The following ARID2 variants were observed in gnomAD, a reference collection of about 807,000 sequenced individuals.
ARID2 encodes AT-rich interactive domain-containing protein 2.
In ARID2, 32 loss-of-function variants were observed where a neutral mutation model predicts 184.6. The ratio of observed to expected loss-of-function variants is 0.17; its 90% CI spans 0.13 to 0.23. ARID2 has a LOEUF of 0.23. Among genes scored for constraint, ARID2 ranks in the 10% least tolerant of loss-of-function variants. The probability of loss-of-function intolerance (pLI) is 1.00; values close to 1 mark genes in which losing one functional copy is unlikely to be tolerated. For missense variants in ARID2, 1,696 were observed against 2,197.6 expected, an observed-to-expected ratio of 0.77 and a Z score of 4.56; for synonymous variants, 836 against 772.6, an observed-to-expected ratio of 1.08 and a Z score of -1.36.
chr12:45,778,831 T>C (rs973821935), intron 3 of ARID2, among the ~76,000 whole-genome samples: 16 of 151,994 alleles, frequency 1.1e-4, no homozygotes, highest in African/African-American at 3.9e-4. Flanking sequence ...ATAGAAAATC[T>C]GGAAACATCT....
chr12:45,817,975 C>A, intron 5 of ARID2, 87 bp downstream of exon 5: 3 of 941,428 alleles, frequency 3.2e-6, no homozygotes, highest in South Asian at 4.0e-5. Context: ...TTTTGTTTGT[C>A]AACATAATAG....
At chr12:45,743,429 A>T (rs1032946230) in intron 3 of ARID2, among the ~76,000 whole-genome samples, 1 of 152,102 alleles carries the variant, frequency 6.6e-6, no homozygotes, top group Non-Finnish European at 1.5e-5. Context: ...GGCTATTCAC[A>T]GGTGTAGTCA....
chr12:45,812,495 T>C (rs1163445396), intron 4 of ARID2, among the ~76,000 whole-genome samples: 2 of 152,180 alleles, frequency 1.3e-5, no homozygotes, highest in Non-Finnish European at 2.9e-5. Context: ...CGATCTCCAT[T>C]AGAAGAGGCT....
In ARID2 at chr12:45,777,797, AAT is replaced by A. The variant is rs1288143241; in HGVS notation, c.285-33614_285-33613del. Among the ~76,000 whole-genome samples, 15 of 147,874 alleles carry A rather than the reference AAT, an allele frequency of 1.0e-4. No individual in the cohort carries two copies. The South Asian group carries it at 3.1e-3, about 31-fold the overall frequency. On this transcript the variant is annotated intron_variant, in intron 3 of 20. Coordinates refer to ENST00000334344, the MANE Select transcript of ARID2 (RefSeq NM_152641.4). Reference sequence around the variant, plus strand: ...CTTTAAAGTTTATATTTTTTATATAAATATATATTTTATTTTTTTATATAAAT... The same window carrying A: ...CTTTAAAGTTTATATTTTTTATATAAATATATTTTATTTTTTTATATAAAT...
chr12:45,802,689 T>C (rs541470586), intron 3 of ARID2, among the ~76,000 whole-genome samples: 4 of 152,198 alleles, frequency 2.6e-5, no homozygotes, highest in East Asian at 3.9e-4. Flanking sequence ...ATAAATAAGC[T>C]TCAAGAGTAC....
At chr12:45,819,926 T>C (rs1942868871) in intron 5 of ARID2, among the ~76,000 whole-genome samples, 1 of 152,054 alleles carries the variant, frequency 6.6e-6, no homozygotes, top group South Asian at 2.1e-4. Context: ...ATATTTTTAG[T>C]AGAGACAGGG....
At chr12:45,758,379 TTTTTTTTTGTGCGAC>T (rs1315983561) in intron 3 of ARID2, among the ~76,000 whole-genome samples, 1 of 149,354 alleles carries the variant, frequency 6.7e-6, no homozygotes. Flanking sequence ...TGCGATCGAT[TTTTTTTTTGTGCGAC>T]TTTTTTTTAA....
intron 3 of ARID2, among the ~76,000 whole-genome samples, chr12:45,802,626 G>T (rs1942528280): frequency 6.6e-6 from 1 of 152,032 alleles, no homozygotes; most frequent in African/African-American, 2.4e-5. Context: ...AGTTAGTAAA[G>T]TTGGGCTTTT....
At chr12:45,802,530 G>T (rs935368819) in intron 3 of ARID2, among the ~76,000 whole-genome samples, 5 of 151,916 alleles carry the variant, frequency 3.3e-5, no homozygotes, top group South Asian at 2.1e-4. Flanking sequence ...CACCTTTATT[G>T]TAACGGGTAG....
At chr12:45,759,284 G>A (rs1473216158) in intron 3 of ARID2, among the ~76,000 whole-genome samples, 1 of 152,062 alleles carries the variant, frequency 6.6e-6, no homozygotes, top group Admixed American at 6.6e-5. Context: ...TTTTTAAATT[G>A]GTGATATGTA....
chr12:45,747,574 G>A lies in ARID2; in HGVS notation c.284+16260G>A, dbSNP rs1333275181. On this transcript the variant is annotated intron_variant, in intron 3 of 20. Coordinates refer to ENST00000334344, the MANE Select transcript of ARID2 (RefSeq NM_152641.4). The stretch of plus-strand genomic sequence containing the variant: ...GGGAGCTTCTTATGAACTCAGGTGG[G>A]TATGGTAGGCCTCTCAGCAAGTGGG... Among the ~76,000 whole-genome samples, 4 of 152,078 alleles carry A rather than the reference G, an allele frequency of 2.6e-5. No individual in the cohort carries two copies. The East Asian group carries it at 7.7e-4, about 29-fold the overall frequency.
At chr12:45,736,105 C>T (rs528554000) in intron 3 of ARID2, among the ~76,000 whole-genome samples, 1 of 152,288 alleles carries the variant, frequency 6.6e-6, no homozygotes, top group Admixed American at 6.5e-5. Context: ...GCCCTGTAAT[C>T]CCAACACTTT....
intron 3 of ARID2, among the ~76,000 whole-genome samples, chr12:45,775,363 A>T (rs1468438987): frequency 1.3e-5 from 2 of 152,192 alleles, no homozygotes. Context: ...TAGGGATTTT[A>T]TCTAAGAGGC....
At chr12:45,806,575 G>A (rs1484758646) in intron 3 of ARID2, among the ~76,000 whole-genome samples, 1 of 151,864 alleles carries the variant, frequency 6.6e-6, no homozygotes, top group Non-Finnish European at 1.5e-5. Flanking sequence ...TTTCCATATA[G>A]AACAGTTTCT....
chr12:45,788,688 C>T (rs1446999799), intron 3 of ARID2, among the ~76,000 whole-genome samples: 2 of 152,066 alleles, frequency 1.3e-5, no homozygotes, highest in African/African-American at 4.8e-5. Context: ...AAGGTTTCTA[C>T]CACCCTTTTT....
chr12:45,831,276 A>T (rs949820472), intron 6 of ARID2, among the ~76,000 whole-genome samples: 2 of 152,152 alleles, frequency 1.3e-5, no homozygotes, highest in African/African-American at 4.8e-5. Context: ...ATTACCTCTA[A>T]GCACAGCTTA....
chr12:45,895,891 A>G (rs1370407644), intron 20 of ARID2, among the ~76,000 whole-genome samples: 1 of 152,218 alleles, frequency 6.6e-6, no homozygotes, highest in Non-Finnish European at 1.5e-5. Flanking sequence ...TGTCTTAACC[A>G]AAGAGAAGAT....
intron 6 of ARID2, among the ~76,000 whole-genome samples, chr12:45,836,198 T>C (rs1222763642): frequency 1.3e-5 from 2 of 152,188 alleles, no homozygotes; most frequent in Non-Finnish European, 2.9e-5. Flanking sequence ...GTGTGACTAT[T>C]TTTTAAAACT....
intron 20 of ARID2, among the ~76,000 whole-genome samples, chr12:45,895,009 C>T (rs1270069849): frequency 6.6e-6 from 1 of 152,152 alleles, no homozygotes; most frequent in Non-Finnish European, 1.5e-5. Context: ...TGAATATCTG[C>T]TTATCCTTCA....
Sources: gnomAD v4.1 joint callset for allele counts (sites outside exome capture counted in the v4.1 genomes callset) on GRCh38, gnomAD v4.1.1 for gene constraint, MANE v1.5 for transcripts, NCBI Gene and HGNC (gene_info 2026-07-23, HGNC 2026-07-21) for gene names.